The following FGD6 variants were observed in gnomAD, a reference collection of about 807,000 sequenced individuals.
FGD6 encodes FYVE, RhoGEF and PH domain containing 6, also known as FYVE, RhoGEF and PH domain-containing protein 6.
In FGD6, 90 loss-of-function variants were observed where a neutral mutation model predicts 149.4. That is an observed-to-expected ratio of 0.60 (90% CI 0.51 to 0.72). The LOEUF is 0.72. FGD6 is among the 30% of genes least tolerant of loss of function. FGD6 has a pLI of 0.00. For synonymous variants in FGD6, 527 were observed against 584.0 expected, an observed-to-expected ratio of 0.90 and a Z score of 1.41; for missense variants, 1,437 against 1,684.8, an observed-to-expected ratio of 0.85 and a Z score of 2.57.
Position 95,108,490 on chromosome 12 carries a change from A to C in FGD6, c.3192+13T>G. 1 of 1,614,126 alleles carries C rather than the reference A, an allele frequency of 6.2e-7. No homozygotes were observed. The highest frequency in any genetic ancestry group is 8.5e-7 in the Non-Finnish European group (1 of 1,180,002). On this transcript the variant is annotated intron_variant, in intron 10 of 20. Transcript: ENST00000343958. ...TTCAAGACCACACCAGCCACTGACA[A>C]CAAGACACTTACTCCTTGCTTCATG... is the stretch of plus-strand genomic sequence containing the variant.
chr12:95,181,937 C>T (rs1881291431), intron 2 of FGD6, among the ~76,000 whole-genome samples: 1 of 140,722 alleles, frequency 7.1e-6, no homozygotes, highest in Non-Finnish European at 1.5e-5. Flanking sequence ...CAGCGAGATT[C>T]TCTCAAAAAA....
rs77589501 is a variant in FGD6 at position 95,201,576 on chromosome 12, A to G, written c.2441+7267T>C. ...TTATCCATTCCTTGACTGAAGGATGATTGTCTGATTACCTTTATATATCAG... is the reference window on the plus strand; with the variant it reads ...TTATCCATTCCTTGACTGAAGGATGGTTGTCTGATTACCTTTATATATCAG... On this transcript the variant is annotated intron_variant, in intron 2 of 20. Transcript: ENST00000343958. Among the ~76,000 whole-genome samples the G allele has an allele frequency of 6.6e-3, 1,007 of 152,214 alleles. 1 individual carries two copies. Among genetic ancestry groups the G allele is most frequent in the Non-Finnish European group, 0.011 (722 of 68,002 alleles).
intron 18 of FGD6, among the ~76,000 whole-genome samples, chr12:95,086,541 T>TC (rs1877872741): frequency 7.4e-6 from 1 of 134,504 alleles, no homozygotes; most frequent in African/African-American, 3.0e-5. Context: ...TTTTTCTTTT[T>TC]TTTTTTTTTT....
At chr12:95,149,370 A>G (rs1239343229) in intron 5 of FGD6, among the ~76,000 whole-genome samples, 1 of 116,734 alleles carries the variant, frequency 8.6e-6, no homozygotes, top group Non-Finnish European at 1.6e-5. Flanking sequence ...TATTATATAT[A>G]GCACATATTT....
intron 5 of FGD6, among the ~76,000 whole-genome samples, chr12:95,151,668 T>G (rs554939526): frequency 2.0e-5 from 3 of 152,174 alleles, no homozygotes; most frequent in Non-Finnish European, 4.4e-5. Context: ...TTTGTATGTA[T>G]CCATTCAAAG....
intron 3 of FGD6, among the ~76,000 whole-genome samples, chr12:95,169,555 C>T (rs1351683240): frequency 2.0e-5 from 3 of 152,102 alleles, no homozygotes; most frequent in Admixed American, 6.6e-5. Context: ...GTCAACCAGG[C>T]GGTGTTATCA....
chr12:95,093,286 G>A (rs973912597), intron 15 of FGD6, among the ~76,000 whole-genome samples: 6 of 152,162 alleles, frequency 3.9e-5, no homozygotes, highest in Non-Finnish European at 7.3e-5. Context: ...GGTGGCTCAC[G>A]CCTGTAGTCC....
At chr12:95,195,783 T>A (rs1592872766) in intron 2 of FGD6, among the ~76,000 whole-genome samples, 5 of 92,602 alleles carry the variant, frequency 5.4e-5, no homozygotes, top group Non-Finnish European at 6.4e-5. Flanking sequence ...GGGAGGGGGG[T>A]GGGTGTGGGT....
At chr12:95,125,770 G>A (rs1879319370) in intron 8 of FGD6, 1 of 710,282 alleles carries the variant, frequency 1.4e-6, no homozygotes, top group African/African-American at 1.7e-5. Flanking sequence ...ATGGTGTTCA[G>A]GCACTTCATG....
At chr12:95,084,474 G>T (rs1877793878) in intron 20 of FGD6, 24 bp downstream of exon 20, 6 of 1,496,862 alleles carry the variant, frequency 4.0e-6, no homozygotes, top group Non-Finnish European at 5.3e-6. Flanking sequence ...ATGAATAAAA[G>T]AAAAATATGG....
chr12:95,186,703 T>C (rs1272603171), intron 2 of FGD6, among the ~76,000 whole-genome samples: 2 of 152,124 alleles, frequency 1.3e-5, no homozygotes, highest in African/African-American at 4.8e-5. Flanking sequence ...GTCTAAAATA[T>C]TTATCATCTG....
chr12:95,150,584 C>T (rs907486918), intron 5 of FGD6, among the ~76,000 whole-genome samples: 1 of 151,830 alleles, frequency 6.6e-6, no homozygotes, highest in African/African-American at 2.4e-5. Flanking sequence ...AAGCTTGCCA[C>T]TCAATAAATT....
At chr12:95,123,191 T>C (rs971810704) in intron 8 of FGD6, among the ~76,000 whole-genome samples, 1 of 151,642 alleles carries the variant, frequency 6.6e-6, no homozygotes, top group African/African-American at 2.4e-5. Flanking sequence ...AGGACAGGAG[T>C]TTGAGACAAG....
chr12:95,127,580 CT>C (rs1297169315), intron 8 of FGD6, among the ~76,000 whole-genome samples: 2 of 152,056 alleles, frequency 1.3e-5, no homozygotes, highest in African/African-American at 4.8e-5. Context: ...TAATTGTGAT[CT>C]TTTTTATATG....
chr12:95,210,829 G>T lies in FGD6; in HGVS notation c.455C>A (p.Thr152Asn). The T allele has an allele frequency of 6.2e-7, 1 of 1,612,722 alleles. No homozygotes were observed. Among genetic ancestry groups the T allele is most frequent in the South Asian group, 1.1e-5 (1 of 90,552 alleles). The change falls in exon 2 of 21, where the codon ACT (threonine) becomes AAT (asparagine). Residue 152 changes from threonine to asparagine, a missense_variant. This residue lies in a region of FGD6 where 1,055 missense variants were observed against 1,146.0 expected (regional missense o/e 0.92). Transcript: ENST00000343958. ...LENSKIDETL[T>N]IKTRSKCDLY... ...ATCACATTTACTCCTAGTTTTTATA[G>T]TCAAAGTCTCATCAATTTTACTGTT... is the stretch of plus-strand genomic sequence containing the variant.
chr12:95,087,416 T>G (rs1342721478), intron 18 of FGD6, among the ~76,000 whole-genome samples: 1 of 152,180 alleles, frequency 6.6e-6, no homozygotes, highest in Non-Finnish European at 1.5e-5. Flanking sequence ...GGAGACACTC[T>G]AGAAACTTTC....
At chr12:95,098,650 T>G (rs1878318835) in intron 14 of FGD6, among the ~76,000 whole-genome samples, 1 of 152,190 alleles carries the variant, frequency 6.6e-6, no homozygotes, top group South Asian at 2.1e-4. Flanking sequence ...TGACTCCTAC[T>G]TATCTTTCCT....
intron 15 of FGD6, 117 bp from the exon 16 acceptor site, chr12:95,092,962 T>C: frequency 2.5e-6 from 3 of 1,190,760 alleles, no homozygotes; most frequent in Non-Finnish European, 3.5e-6. Flanking sequence ...AGCTCACGCC[T>C]GTAATCCCAG....
chr12:95,208,458 AG>A (rs2056704132), intron 2 of FGD6, among the ~76,000 whole-genome samples: 1 of 152,138 alleles, frequency 6.6e-6, no homozygotes, highest in Non-Finnish European at 1.5e-5. Context: ...TACATATTTC[AG>A]TAACTTCAGA....
Sources: gnomAD v4.1 joint callset for allele counts (sites outside exome capture counted in the v4.1 genomes callset) on GRCh38, gnomAD v4.1.1 for gene constraint, gnomAD v4.1.1 regional missense constraint, MANE v1.5 for transcripts, NCBI Gene and HGNC (gene_info 2026-07-23, HGNC 2026-07-21) for gene names.